Variants in ASTN2 observed in about 807,000 individuals in gnomAD.
The protein encoded by ASTN2 is astrotactin-2.
A neutral mutation model predicts 139.8 loss-of-function variants in ASTN2; 54 were observed. That is an observed-to-expected ratio of 0.39 (90% CI 0.31 to 0.48). The LOEUF is 0.48. ASTN2 is among the 20% of genes least tolerant of loss of function. The pLI, the probability that ASTN2 is intolerant of heterozygous loss-of-function variation, is 0.95. For synonymous variants in ASTN2, 756 were observed against 719.5 expected (o/e 1.05, Z -0.81); for missense variants, 1,565 against 1,725.1 (o/e 0.91, Z 1.64).
At position 116,933,979 on chromosome 9, in the gene ASTN2, C is replaced by CTTTTTTTTTTTTTTTTTTTTTT. The variant is rs148724828; in HGVS notation, c.1889+41207_1889+41228dup. On this transcript the variant is annotated intron_variant, in intron 10 of 22. Coordinates refer to ENST00000313400, the MANE Select transcript of ASTN2 (RefSeq NM_001365068.1). ...ACCTCAGTTGTGCGAAGTGTTAGTC[C>CTTTTTTTTTTTTTTTTTTTTTT]TTTTTTTTTTTTTTTTTTTTTTTCT... Among the ~76,000 whole-genome samples, 679 of 86,788 alleles carry CTTTTTTTTTTTTTTTTTTTTTT rather than the reference C, an allele frequency of 7.8e-3. 118 individuals carry two copies. Among genetic ancestry groups the CTTTTTTTTTTTTTTTTTTTTTT allele is most frequent in the African/African-American group, 0.016 (342 of 21,120 alleles). The allele number at this position is 86,788 out of a possible 152,430, so 56.9% of individuals were successfully genotyped here.
At chr9:116,522,981 T>G (rs2119246108) in intron 19 of ASTN2, among the ~76,000 whole-genome samples, 1 of 152,260 alleles carries the variant, frequency 6.6e-6, no homozygotes, top group East Asian at 1.9e-4. Context: ...GCATCTTGCT[T>G]CAGAAACACC....
chr9:116,533,992 G>A (rs1281628419), intron 19 of ASTN2, among the ~76,000 whole-genome samples: 2 of 152,096 alleles, frequency 1.3e-5, no homozygotes, highest in Non-Finnish European at 2.9e-5. Flanking sequence ...ATCTGGTCCT[G>A]GAATTTTTTT....
chr9:116,603,330 G>C (rs1403001478), intron 19 of ASTN2, among the ~76,000 whole-genome samples: 1 of 152,198 alleles, frequency 6.6e-6, no homozygotes, highest in East Asian at 1.9e-4. Flanking sequence ...CAGTATAAAA[G>C]ATCATGGTCA....
intron 1 of ASTN2, among the ~76,000 whole-genome samples, chr9:117,333,723 C>T (rs373681325): frequency 3.3e-5 from 5 of 152,236 alleles, no homozygotes; most frequent in African/African-American, 1.2e-4. Flanking sequence ...AGGCTGGTTT[C>T]GAACTCCTGA....
At chr9:117,341,239 A>G (rs1367067065) in intron 1 of ASTN2, among the ~76,000 whole-genome samples, 1 of 152,268 alleles carries the variant, frequency 6.6e-6, no homozygotes, top group Non-Finnish European at 1.5e-5. Context: ...GAGAAAGTAA[A>G]TGTTCATGAA....
chr9:116,709,715 C>T (rs1255859707), intron 16 of ASTN2, among the ~76,000 whole-genome samples: 1 of 152,282 alleles, frequency 6.6e-6, no homozygotes, highest in African/African-American at 2.4e-5. Context: ...AATAAATCCA[C>T]AATAAAAGGC....
chr9:116,698,021 G>A lies in ASTN2; in HGVS notation c.2806+27750C>T, dbSNP rs1189793134. 4 of 1,614,094 alleles carry A rather than the reference G, an allele frequency of 2.5e-6. No homozygotes were observed. The highest frequency in any genetic ancestry group is 3.4e-6 in the Non-Finnish European group (4 of 1,180,040). On this transcript the variant is annotated intron_variant, in intron 16 of 22. Coordinates refer to ENST00000313400, the MANE Select transcript of ASTN2 (RefSeq NM_001365068.1). This position sits in a 1 kb window ranked among gnomAD's most constrained non-coding sequence, Gnocchi z 4.4. ...TCATTGATACAGCTGGGCTCAGCGA[G>A]GCTGTGGGGCTGCTCATGTGTCGGT...
intron 19 of ASTN2, among the ~76,000 whole-genome samples, chr9:116,608,608 G>C (rs56961479): frequency 6.6e-6 from 1 of 151,126 alleles, no homozygotes; most frequent in Non-Finnish European, 1.5e-5. Context: ...TTGAACAAAA[G>C]AGTTTGAACA....
chr9:116,898,368 C>T (rs550938223), intron 10 of ASTN2, among the ~76,000 whole-genome samples: 2 of 148,532 alleles, frequency 1.3e-5, no homozygotes, highest in African/African-American at 5.0e-5. Flanking sequence ...TATGATCACA[C>T]CACTGCACTC....
At chr9:117,398,610 G>C (rs1184971406) in intron 1 of ASTN2, among the ~76,000 whole-genome samples, 1 of 152,158 alleles carries the variant, frequency 6.6e-6, no homozygotes, top group African/African-American at 2.4e-5. Flanking sequence ...CCCCTCTTTG[G>C]CACCAAAGGT....
At chr9:117,408,350 G>A (rs1831063979) in intron 1 of ASTN2, among the ~76,000 whole-genome samples, 1 of 152,106 alleles carries the variant, frequency 6.6e-6, no homozygotes, top group Non-Finnish European at 1.5e-5. Context: ...AGGCCTCAGT[G>A]TTACCATATA....
chr9:117,386,207 G>A (rs1830396474), intron 1 of ASTN2, among the ~76,000 whole-genome samples: 1 of 152,038 alleles, frequency 6.6e-6, no homozygotes, highest in South Asian at 2.1e-4. Context: ...CAGTCCCACT[G>A]GCTTTCACAT....
chr9:116,608,587 A>G (rs1302201914), intron 19 of ASTN2, among the ~76,000 whole-genome samples: 1 of 152,064 alleles, frequency 6.6e-6, no homozygotes, highest in Admixed American at 6.5e-5. Context: ...AAAGAGTTTG[A>G]ACAAAATATT....
At chr9:117,218,859 A>T (rs1329547812) in intron 2 of ASTN2, among the ~76,000 whole-genome samples, 1 of 152,192 alleles carries the variant, frequency 6.6e-6, no homozygotes, top group African/African-American at 2.4e-5. Context: ...AATTTCTCTG[A>T]TTAACAATTT....
chr9:116,891,539 G>C (rs959758202), intron 10 of ASTN2, among the ~76,000 whole-genome samples: 10 of 152,200 alleles, frequency 6.6e-5, no homozygotes, highest in African/African-American at 2.2e-4. Flanking sequence ...GGAAATGGGG[G>C]CCTAAAGAAG....
At chr9:116,831,629 T>A (rs1831817369) in intron 11 of ASTN2, among the ~76,000 whole-genome samples, 2 of 152,084 alleles carry the variant, frequency 1.3e-5, no homozygotes, top group South Asian at 4.1e-4. Flanking sequence ...AAGATAAAAG[T>A]ATAATATGAT....
chr9:116,864,152 A>T (rs1435000173), intron 10 of ASTN2, among the ~76,000 whole-genome samples: 1 of 152,132 alleles, frequency 6.6e-6, no homozygotes, highest in Admixed American at 6.5e-5. Flanking sequence ...CTTGCATCCT[A>T]CCTGTTTCTA....
chr9:116,948,785 G>GGTTTTTTTTTTTGTTTTTTT (rs1835470645), intron 10 of ASTN2, among the ~76,000 whole-genome samples: 1 of 49,470 alleles, frequency 2.0e-5, no homozygotes, highest in Non-Finnish European at 3.4e-5. Flanking sequence ...ATAATTTGGT[G>GGTTTTTTTTTTTGTTTTTTT]TTTTTTTTTT....
intron 1 of ASTN2, among the ~76,000 whole-genome samples, chr9:117,295,246 C>A (rs1258696240): frequency 6.6e-6 from 1 of 152,034 alleles, no homozygotes; most frequent in Non-Finnish European, 1.5e-5. Flanking sequence ...CGCTTGAACT[C>A]GGAAAGTGGA....
Sources: allele counts gnomAD v4.1 joint callset (sites outside exome capture counted in the v4.1 genomes callset), GRCh38; gene constraint gnomAD v4.1.1; non-coding constraint Gnocchi (gnomAD v3.1); transcripts MANE v1.5; gene names NCBI Gene and HGNC (gene_info 2026-07-23, HGNC 2026-07-21).